DOP1B: variants seen among roughly 807,000 people sequenced by gnomAD.
DOP1B encodes DOP1 leucine zipper like protein B, also known as protein DOP1B.
DOP1B carries 174 observed loss-of-function variants against 233.5 expected under a neutral mutation model. That is an observed-to-expected ratio of 0.75 (90% confidence interval 0.66 to 0.85). DOP1B has a LOEUF of 0.85. Ranked by LOEUF, DOP1B falls within the 40% of genes least tolerant of loss-of-function variation. The pLI, the probability that DOP1B is intolerant of heterozygous loss-of-function variation, is 0.00. For synonymous variants in DOP1B, 1,190 were observed against 1,185.6 expected, an observed-to-expected ratio of 1.00 and a Z score of -0.08; for missense variants, 2,652 against 2,846.6, an observed-to-expected ratio of 0.93 and a Z score of 1.56.
chr21:36,244,154 G>A (rs1490962361), intron 18 of DOP1B, among the ~76,000 whole-genome samples: 1 of 147,120 alleles, frequency 6.8e-6, no homozygotes, highest in Non-Finnish European at 1.5e-5. Context: ...AGTCTCCCAC[G>A]CTGGGACTAT....
intron 4 of DOP1B, 34 bp from the exon 5 acceptor site, chr21:36,208,681 C>T (rs745484545): frequency 1.4e-5 from 23 of 1,595,512 alleles, no homozygotes; most frequent in South Asian, 7.9e-5. Flanking sequence ...GAAGATGGGG[C>T]GAGCCCTTGA....
chr21:36,293,539 G>A lies in DOP1B; in HGVS notation c.6865G>A (p.Glu2289Lys), dbSNP rs747660734. 2.7e-5 allele frequency: 43 copies of A among 1,613,942 alleles called. No individual in the cohort carries two copies. The highest frequency in any genetic ancestry group is 6.7e-5 in the Admixed American group (4 of 59,970). Residue 2289 changes from glutamate to lysine, a missense_variant, in exon 37 of 37, where the codon GAA becomes AAA. Transcript: ENST00000691173. ...CTTAAAACAACTGGAAGAATGCATC[G>A]AATATGATTTTCTGGAACATCCAGA... ...RILKQLEECI[E>K]YDFLEHPEC is the part of the protein sequence containing the mutation.
chr21:36,171,002 G>A (rs923356735), intron 2 of DOP1B, among the ~76,000 whole-genome samples: 1 of 152,180 alleles, frequency 6.6e-6, no homozygotes, highest in Non-Finnish European at 1.5e-5. Context: ...GCCTGAGGCC[G>A]CTGACATTCA....
intron 15 of DOP1B, among the ~76,000 whole-genome samples, chr21:36,235,874 C>T (rs1310371276): frequency 5.8e-5 from 7 of 120,114 alleles, no homozygotes; most frequent in African/African-American, 1.1e-4. Flanking sequence ...GGGGGGGGGG[C>T]GGTCTACGTA....
intron 2 of DOP1B, among the ~76,000 whole-genome samples, chr21:36,179,973 TCTC>T (rs1273831313): frequency 6.6e-6 from 1 of 152,138 alleles, no homozygotes; most frequent in African/African-American, 2.4e-5. Flanking sequence ...CCTTTGCCCC[TCTC>T]CTCTGCCTGC....
At chr21:36,292,271 T>TG in intron 36 of DOP1B, 38 bp downstream of exon 36, 1 of 1,461,074 alleles carries the variant, frequency 6.8e-7, no homozygotes, top group Non-Finnish European at 9.2e-7. Context: ...TTTTTTTTTT[T>TG]GGTGAGACAG....
intron 18 of DOP1B, among the ~76,000 whole-genome samples, chr21:36,243,465 A>G (rs773686003): frequency 2.0e-5 from 3 of 150,386 alleles, no homozygotes; most frequent in Non-Finnish European, 4.4e-5. Flanking sequence ...TTTTCTGATT[A>G]TAGAAGTACT....
chr21:36,211,855 A>G lies in DOP1B; in HGVS notation c.781-119A>G. On this transcript the variant is annotated intron_variant, in intron 6 of 36. Coordinates refer to ENST00000691173, the MANE Select transcript of DOP1B (RefSeq NM_001320714.2). ...TAGCTTCTTTCCATGGGTAATGTGT[A>G]AGGAACCAGCCCATTTTGAGATAGA... 7 of 1,485,282 alleles carry G rather than the reference A, an allele frequency of 4.7e-6. No individual in the cohort carries two copies. In the South Asian group the frequency reaches 8.2e-5, roughly 17 times the overall value. 92.0% of individuals were successfully genotyped at this position (1,485,282 alleles called of 1,614,324 possible).
At chr21:36,212,781 G>A (rs537364622) in intron 7 of DOP1B, among the ~76,000 whole-genome samples, 61 of 152,276 alleles carry the variant, frequency 4.0e-4, no homozygotes, top group African/African-American at 1.4e-3. Flanking sequence ...TCAACATTTA[G>A]ATCTTTTTTT....
intron 2 of DOP1B, chr21:36,169,841 A>T: frequency 1.1e-6 from 1 of 940,308 alleles, no homozygotes; most frequent in Non-Finnish European, 1.8e-6. Flanking sequence ...CACCTTTTGC[A>T]CTCATCGTTG....
At chr21:36,262,897 C>T (rs11908740) in intron 24 of DOP1B, among the ~76,000 whole-genome samples, 13 of 144,562 alleles carry the variant, frequency 9.0e-5, no homozygotes, top group Admixed American at 1.4e-4. Flanking sequence ...TCTTAAAAAA[C>T]AATAATAAAA....
chr21:36,175,336 C>T (rs1265072586), intron 2 of DOP1B, among the ~76,000 whole-genome samples: 2 of 151,456 alleles, frequency 1.3e-5, no homozygotes, highest in Non-Finnish European at 2.9e-5. Flanking sequence ...GTCTCGAACT[C>T]CTGACCTTAA....
At position 36,230,676 on chromosome 21, in the gene DOP1B, A is replaced by G. The variant is rs1250752330; in HGVS notation, c.1892A>G (p.Gln631Arg). The G allele has an allele frequency of 2.5e-6, 4 of 1,614,202 alleles. No individual in the cohort carries two copies. The highest frequency in any genetic ancestry group is 3.4e-6 in the Non-Finnish European group (4 of 1,180,030). ...GSMQRTFLCI[Q>R]ELIANFASKN... ...ATGCAGAGGACGTTTCTTTGCATCC[A>G]AGAGCTAATCGCCAACTTTGCCAGC... Residue 631 changes from glutamine (Q) to arginine (R), a missense_variant, in exon 14 of 37, where the codon CAA becomes CGA. Transcript: ENST00000691173.
intron 27 of DOP1B, among the ~76,000 whole-genome samples, chr21:36,274,030 A>G (rs1279916362): frequency 2.6e-5 from 4 of 152,138 alleles, no homozygotes; most frequent in Non-Finnish European, 2.9e-5. Context: ...GTGAGCCGAG[A>G]TCGCGCCGCT....
rs377311494 is a variant in DOP1B at position 36,260,356 on chromosome 21, G to A, written c.5260-321G>A. Among the ~76,000 whole-genome samples, 28 of 152,156 alleles carry A rather than the reference G, an allele frequency of 1.8e-4. No individual in the cohort carries two copies. The East Asian group carries it at 5.0e-3, about 27-fold the overall frequency. ...TATGCATTCACTGGAGTCAACACTGGCCCTAGCTTTCTGTTTGGGAAGTTC... is the reference window on the plus strand; with the variant it reads ...TATGCATTCACTGGAGTCAACACTGACCCTAGCTTTCTGTTTGGGAAGTTC... On this transcript the variant is annotated intron_variant, in intron 23 of 36. Transcript: ENST00000691173.
Position 36,267,714 on chromosome 21 carries a change from C to T in DOP1B, c.5488-2299C>T, listed in dbSNP as rs979369989. ...TTCAATGTAGGTTCTTTCTATTTTCCGTAAGTGTCGGCCGGCTGAGAAATA... is the reference window on the plus strand; with the variant it reads ...TTCAATGTAGGTTCTTTCTATTTTCTGTAAGTGTCGGCCGGCTGAGAAATA... On this transcript the variant is annotated intron_variant, in intron 26 of 36. Coordinates refer to ENST00000691173, the MANE Select transcript of DOP1B (RefSeq NM_001320714.2). Among the ~76,000 whole-genome samples, 49 of 141,354 alleles carry T rather than the reference C, an allele frequency of 3.5e-4. 1 individual carries two copies. Among genetic ancestry groups the T allele is most frequent in the African/African-American group, 1.2e-3 (46 of 37,390 alleles). The allele number at this position is 141,354 out of a possible 152,430, so 92.7% of individuals were successfully genotyped here. A position where few individuals can be genotyped will look rare whatever the true frequency, so the allele number is the denominator to read the frequency against.
intron 34 of DOP1B, 109 bp downstream of exon 34, chr21:36,288,920 G>T: frequency 1.4e-6 from 2 of 1,457,450 alleles, no homozygotes; most frequent in East Asian, 2.3e-5. Context: ...TGAAGTACTT[G>T]TGAAAGGACC....
chr21:36,225,794 G>T, intron 12 of DOP1B, 127 bp downstream of exon 12: 2 of 946,944 alleles, frequency 2.1e-6, no homozygotes, highest in Non-Finnish European at 3.2e-6. Flanking sequence ...CTGTTTTGAT[G>T]TTTGTTTTGG....
At chr21:36,168,185 C>T (rs1045209531) in intron 2 of DOP1B, among the ~76,000 whole-genome samples, 1 of 152,014 alleles carries the variant, frequency 6.6e-6, no homozygotes, top group Non-Finnish European at 1.5e-5. Context: ...CTCCAGTGAT[C>T]TGCCTGCCTT....
Sources: allele counts gnomAD v4.1 joint callset (sites outside exome capture counted in the v4.1 genomes callset), GRCh38; gene constraint gnomAD v4.1.1; transcripts MANE v1.5; gene names NCBI Gene and HGNC (gene_info 2026-07-23, HGNC 2026-07-21).